ATAD2B: variants seen among roughly 807,000 people sequenced by gnomAD.
ATAD2B encodes ATPase family AAA domain containing 2B.
ATAD2B carries 40 observed loss-of-function variants against 167.6 expected under a neutral mutation model. That is an observed-to-expected ratio of 0.24 (90% CI 0.19 to 0.31). The LOEUF is 0.31. Among genes scored for constraint, ATAD2B ranks in the 10% least tolerant of loss-of-function variants. ATAD2B has a pLI of 1.00. For missense variants in ATAD2B, 1,242 were observed against 1,757.2 expected (o/e 0.71, Z 5.24); for synonymous variants, 579 against 596.5 (o/e 0.97, Z 0.43).
At chr2:23,818,361 G>T (rs1572893251) in intron 17 of ATAD2B, among the ~76,000 whole-genome samples, 1 of 13,018 alleles carries the variant, frequency 7.7e-5, no homozygotes, top group South Asian at 3.0e-3. Context: ...CAGGTGAAAA[G>T]CAAAAAAAAA....
At chr2:23,799,151 A>C (rs1442025760) in intron 18 of ATAD2B, among the ~76,000 whole-genome samples, 1 of 152,202 alleles carries the variant, frequency 6.6e-6, no homozygotes, top group African/African-American at 2.4e-5. Context: ...GACATTTCTC[A>C]TTATCTTTAA....
chr2:23,885,057 A>G (rs1254301894), intron 5 of ATAD2B, among the ~76,000 whole-genome samples, 184 bp from the exon 6 acceptor site: 1 of 152,242 alleles, frequency 6.6e-6, no homozygotes, highest in Non-Finnish European at 1.5e-5. Flanking sequence ...AACACTTACA[A>G]TAAACTTATA....
At chr2:23,889,047 A>T (rs1176045847) in intron 2 of ATAD2B, among the ~76,000 whole-genome samples, 1 of 152,246 alleles carries the variant, frequency 6.6e-6, no homozygotes, top group Non-Finnish European at 1.5e-5. Context: ...AAATTGCTGC[A>T]TAATAAAAGA....
In ATAD2B at chr2:23,807,772, C is replaced by T. The variant is rs573877301; in HGVS notation, c.2454+2544G>A. ...CGGAGGTTGCAGTGAGCTGAGATTG[C>T]GCCACTGCACTCCAGCCTGGGCAAC... is the stretch of plus-strand genomic sequence containing the variant. On this transcript the variant is annotated intron_variant, in intron 18 of 27. Coordinates refer to ENST00000238789, the MANE Select transcript of ATAD2B (RefSeq NM_017552.4). Among the ~76,000 whole-genome samples, 563 of 144,680 alleles carry T rather than the reference C, an allele frequency of 3.9e-3. 2 individuals are homozygous for T. Among genetic ancestry groups the T allele is most frequent in the Middle Eastern group, 0.014 (4 of 282 alleles). The allele number at this position is 144,680 out of a possible 152,430, so 94.9% of individuals were successfully genotyped here. A position where few individuals can be genotyped will look rare whatever the true frequency, so the allele number is the denominator to read the frequency against.
the ATAD2B span, among the ~76,000 whole-genome samples, chr2:23,709,945 T>TG: frequency 2.0e-5 from 3 of 152,172 alleles, no homozygotes; most frequent in Non-Finnish European, 2.9e-5. Flanking sequence ...GACTTAACTC[T>TG]GGGGGGTGAA....
At chr2:23,925,650 T>C (rs1219852249) in intron 1 of ATAD2B, among the ~76,000 whole-genome samples, 3 of 152,192 alleles carry the variant, frequency 2.0e-5, no homozygotes, top group Non-Finnish European at 4.4e-5. Context: ...ACAATAAATA[T>C]CTGTGCTTAG....
chr2:23,690,144 C>T, the ATAD2B span: 1 of 152,250 alleles, frequency 6.6e-6, no homozygotes, highest in African/African-American at 2.4e-5. Flanking sequence ...TGTGCTGAGG[C>T]CCTGGGAGGG....
At chr2:23,745,231 G>A (rs1452135667), downstream of ATAD2B, among the ~76,000 whole-genome samples, 4 of 152,012 alleles carry the variant, frequency 2.6e-5, no homozygotes, top group African/African-American at 4.8e-5. Context: ...AGGCGGCAGT[G>A]AGCCAAGATC....
chr2:23,888,187 C>T (rs1026916820), intron 3 of ATAD2B, among the ~76,000 whole-genome samples, 163 bp downstream of exon 3: 8 of 152,112 alleles, frequency 5.3e-5, no homozygotes, highest in Non-Finnish European at 1.2e-4. Context: ...GCTGATTTCT[C>T]AAAGTTTAAC....
At chr2:23,727,554 T>G in the ATAD2B span, among the ~76,000 whole-genome samples, 1 of 152,152 alleles carries the variant, frequency 6.6e-6, no homozygotes, top group Non-Finnish European at 1.5e-5. Context: ...GCAATCATTA[T>G]TATATATATA....
chr2:23,757,680 A>C lies in ATAD2B; in HGVS notation c.3816T>G (p.Ala1272=), dbSNP rs1000249338. 6.2e-7 allele frequency: 1 copy of C among 1,613,522 alleles called. No individual in the cohort carries two copies. Among genetic ancestry groups the C allele is most frequent in the Non-Finnish European group, 8.5e-7 (1 of 1,179,714 alleles). ...FLKGNCLNGE[A]STDSFEGIPV... ...GTATTCCTTCAAAACTGTCAGTGGA[A>C]GCCTCACCATTTAGACAATTTCCTT... The change falls in exon 25 of 28, where the codon GCT becomes GCG. Residue 1272 remains alanine, a synonymous_variant. Transcript: ENST00000238789.
At chr2:23,855,148 C>G (rs1490267762) in intron 13 of ATAD2B, among the ~76,000 whole-genome samples, 1 of 150,200 alleles carries the variant, frequency 6.7e-6, no homozygotes, top group East Asian at 1.9e-4. Context: ...GAGCTGAGAT[C>G]GCACCACTGC....
At chr2:23,885,601 A>G in intron 5 of ATAD2B, 126 bp downstream of exon 5, 1 of 550,516 alleles carries the variant, frequency 1.8e-6, no homozygotes, top group Non-Finnish European at 3.2e-6. Context: ...TCCCAAACTA[A>G]GTTGGAAATG....
chr2:23,866,736 T>C (rs997431950), intron 10 of ATAD2B, among the ~76,000 whole-genome samples: 1 of 152,174 alleles, frequency 6.6e-6, no homozygotes, highest in African/African-American at 2.4e-5. Flanking sequence ...TTAGAGATAG[T>C]TAAAATTTCA....
At chr2:23,800,749 G>A (rs1683354765) in intron 18 of ATAD2B, among the ~76,000 whole-genome samples, 1 of 149,078 alleles carries the variant, frequency 6.7e-6, no homozygotes, top group African/African-American at 2.5e-5. Context: ...TGATATCCTA[G>A]TGATCCAATT....
Position 23,754,701 on chromosome 2 carries a change from T to C in ATAD2B, c.4152A>G (p.Pro1384=). The C allele has an allele frequency of 6.2e-7, 1 of 1,613,264 alleles. No homozygotes were observed. Among genetic ancestry groups the C allele is most frequent in the Non-Finnish European group, 8.5e-7 (1 of 1,179,402 alleles). ...GAGGCACAGGCTCAGATGGCTCTTC[T>C]GGAACCAGTTCCAGGCTTGTCGTTT... ...QAKTTSLELV[P]EEPSEPVPPL... Residue 1384 remains proline (P), a synonymous_variant, in exon 26 of 28, where the codon CCA becomes CCG. Transcript: ENST00000238789.
intron 12 of ATAD2B, among the ~76,000 whole-genome samples, chr2:23,858,807 T>C (rs551445091): frequency 6.6e-6 from 1 of 152,268 alleles, no homozygotes; most frequent in East Asian, 1.9e-4. Context: ...TCAACAGCTA[T>C]ATGATGTCCC....
Position 23,902,199 on chromosome 2 carries a change from T to A in ATAD2B, c.217-6229A>T, listed in dbSNP as rs377212102. Among the ~76,000 whole-genome samples the A allele has an allele frequency of 2.0e-5, 3 of 152,150 alleles. No homozygotes were observed. The East Asian group carries it at 5.8e-4, about 29-fold the overall frequency. On this transcript the variant is annotated intron_variant, in intron 1 of 27. Coordinates refer to ENST00000238789, the MANE Select transcript of ATAD2B (RefSeq NM_017552.4). ...GAGGACCTCTGGCATATAACATACT[T>A]CAAGTATAATACAAAGCACATCATC...
chr2:23,812,915 T>TA (rs1685835512), intron 17 of ATAD2B, among the ~76,000 whole-genome samples: 1 of 151,678 alleles, frequency 6.6e-6, no homozygotes, highest in South Asian at 2.1e-4. Context: ...AAGCACTTGA[T>TA]AGAGATTTCT....
Sources: gnomAD v4.1 joint callset for allele counts (sites outside exome capture counted in the v4.1 genomes callset) on GRCh38, gnomAD v4.1.1 for gene constraint, MANE v1.5 for transcripts, NCBI Gene and HGNC (gene_info 2026-07-23, HGNC 2026-07-21) for gene names.